Variants in CMTM4 observed in about 807,000 individuals in gnomAD.
CMTM4 encodes the protein CKLF like MARVEL transmembrane domain containing 4.
Under a neutral mutation model 19.0 loss-of-function variants are expected in CMTM4, and 8 were observed. That is an observed-to-expected ratio of 0.42 (90% CI 0.25 to 0.76). CMTM4 has a LOEUF of 0.76. Ranked by LOEUF, CMTM4 falls within the 30% of genes least tolerant of loss-of-function variation. The pLI, the probability that CMTM4 is intolerant of heterozygous loss-of-function variation, is 0.27. For synonymous variants in CMTM4, 106 were observed against 121.1 expected (o/e 0.88, Z 0.82); for missense variants, 228 against 290.2 (o/e 0.79, Z 1.56).
intron 1 of CMTM4, among the ~76,000 whole-genome samples, chr16:66,677,483 G>A (rs1180567058): frequency 6.6e-6 from 1 of 152,234 alleles, no homozygotes; most frequent in Non-Finnish European, 1.5e-5. Context: ...GAGAGAATCT[G>A]AATGGGAAAG....
intron 1 of CMTM4, among the ~76,000 whole-genome samples, chr16:66,695,628 C>T (rs1349279990): frequency 6.6e-6 from 1 of 152,146 alleles, no homozygotes; most frequent in Non-Finnish European, 1.5e-5. Flanking sequence ...CAGACAAGTC[C>T]AACAGAAAGT....
At chr16:66,634,093 A>G (rs186631738) in intron 2 of CMTM4, among the ~76,000 whole-genome samples, 2 of 152,286 alleles carry the variant, frequency 1.3e-5, no homozygotes, top group African/African-American at 4.8e-5. Flanking sequence ...CAACAAGTGG[A>G]AAATCTTTCA....
intron 2 of CMTM4, among the ~76,000 whole-genome samples, chr16:66,628,219 CA>C (rs764401285): frequency 2.6e-5 from 4 of 152,222 alleles, no homozygotes; most frequent in African/African-American, 4.8e-5. Flanking sequence ...ATTCCGTTCC[CA>C]GGGGCAGGCA....
chr16:66,647,108 G>A (rs1487527685), intron 1 of CMTM4, among the ~76,000 whole-genome samples: 3 of 135,370 alleles, frequency 2.2e-5, no homozygotes, highest in Non-Finnish European at 1.5e-5. Flanking sequence ...GAAGTCAGGA[G>A]ATCAAGACTA....
rs2015494380 is a variant in CMTM4 at position 66,614,762 on chromosome 16, CAT to C, written c.*7294_*7295del. The C allele has an allele frequency of 6.6e-6, 1 of 152,206 alleles. No homozygotes were observed. Among genetic ancestry groups the C allele is most frequent in the Non-Finnish European group, 1.5e-5 (1 of 68,038 alleles). The allele number at this position is 152,206 out of a possible 1,614,324, so 9.4% of individuals were successfully genotyped here. A position where few individuals can be genotyped will look rare whatever the true frequency, so the allele number is the denominator to read the frequency against. On this transcript the variant is annotated 3_prime_UTR_variant, in exon 4 of 4. Coordinates refer to ENST00000394106, the MANE Select transcript of CMTM4 (RefSeq NM_181521.3). The surrounding 1 kb of genome is among the most constrained non-coding windows in gnomAD (Gnocchi z 4.9). Reference sequence around the variant, plus strand: ...AGAGACAACGACATCCTTACACGTCCATTTATTAAACAAGTTCCTTCATGACA... The same window carrying C: ...AGAGACAACGACATCCTTACACGTCCTTATTAAACAAGTTCCTTCATGACA...
chr16:66,653,727 TG>T (rs2016351727), intron 1 of CMTM4, among the ~76,000 whole-genome samples: 1 of 152,114 alleles, frequency 6.6e-6, no homozygotes, highest in Admixed American at 6.6e-5. Context: ...GAAACATGGT[TG>T]GTTGGGTTTT....
intron 1 of CMTM4, among the ~76,000 whole-genome samples, chr16:66,695,171 AC>A (rs1369174456): frequency 6.6e-6 from 1 of 151,926 alleles, no homozygotes; most frequent in Non-Finnish European, 1.5e-5. Context: ...ACATGGTGAA[AC>A]CCCATCTCTA....
chr16:66,627,217 T>C (rs893434827), intron 2 of CMTM4, among the ~76,000 whole-genome samples: 1 of 152,256 alleles, frequency 6.6e-6, no homozygotes, highest in Non-Finnish European at 1.5e-5. Context: ...TGGAACACTA[T>C]GCAGTCATTA....
intron 1 of CMTM4, among the ~76,000 whole-genome samples, chr16:66,670,741 A>C (rs2016689874): frequency 6.6e-6 from 1 of 152,098 alleles, no homozygotes; most frequent in South Asian, 2.1e-4. Context: ...TGGAGGTTGC[A>C]GTGAGCCAAG....
intron 1 of CMTM4, among the ~76,000 whole-genome samples, chr16:66,685,660 T>C (rs2017017162): frequency 6.6e-6 from 1 of 152,138 alleles, no homozygotes; most frequent in South Asian, 2.1e-4. Context: ...TGTTTGTTTT[T>C]TGAGGTAGGG....
chr16:66,683,131 A>ATATATATATATATATG (rs1567431945), intron 1 of CMTM4, among the ~76,000 whole-genome samples: 1 of 115,196 alleles, frequency 8.7e-6, no homozygotes, highest in Non-Finnish European at 1.8e-5. Flanking sequence ...GTGTGTGTGT[A>ATATATATATATATATG]TATATATATA....
At chr16:66,667,652 G>C (rs748457990) in intron 1 of CMTM4, among the ~76,000 whole-genome samples, 58 of 152,296 alleles carry the variant, frequency 3.8e-4, no homozygotes, top group Non-Finnish European at 5.7e-4. Flanking sequence ...CACTTTGGGA[G>C]GCCGAGGTGG....
Position 66,619,491 on chromosome 16 carries a change from TG to T in CMTM4, c.*2566del. ...CAAATGCCCCAAACCAAACTGATAT[TG>T]GTCCCTATTGAAACTATTAAACGCA... is the stretch of plus-strand genomic sequence containing the variant. On this transcript the variant is annotated 3_prime_UTR_variant, in exon 4 of 4. Coordinates refer to ENST00000394106, the MANE Select transcript of CMTM4 (RefSeq NM_181521.3). 1 of 985,486 alleles carries T rather than the reference TG, an allele frequency of 1.0e-6. No individual in the cohort carries two copies. Among genetic ancestry groups the T allele is most frequent in the Non-Finnish European group, 1.2e-6 (1 of 829,944 alleles). 61.0% of individuals were successfully genotyped at this position (985,486 alleles called of 1,614,324 possible).
At chr16:66,680,989 C>A (rs932895962) in intron 1 of CMTM4, among the ~76,000 whole-genome samples, 2 of 152,098 alleles carry the variant, frequency 1.3e-5, no homozygotes, top group African/African-American at 4.8e-5. Context: ...CTAGAAATAT[C>A]CAACAGAAAT....
chr16:66,632,035 AC>A (rs2015882326), intron 2 of CMTM4, among the ~76,000 whole-genome samples: 1 of 152,210 alleles, frequency 6.6e-6, no homozygotes, highest in African/African-American at 2.4e-5. Context: ...ACTGTTCTCA[AC>A]CCACCACAGC....
At chr16:66,694,506 G>A (rs1022712338) in intron 1 of CMTM4, among the ~76,000 whole-genome samples, 7 of 151,698 alleles carry the variant, frequency 4.6e-5, no homozygotes, top group Non-Finnish European at 7.4e-5. Flanking sequence ...TAAGGAGTTC[G>A]AGACCAGCCT....
chr16:66,677,303 G>A (rs1475500432), intron 1 of CMTM4, among the ~76,000 whole-genome samples: 1 of 152,258 alleles, frequency 6.6e-6, no homozygotes, highest in Non-Finnish European at 1.5e-5. Flanking sequence ...GAGGAAGACA[G>A]GTGGGGGCAG....
At chr16:66,693,791 C>T (rs899844406) in intron 1 of CMTM4, among the ~76,000 whole-genome samples, 8 of 152,058 alleles carry the variant, frequency 5.3e-5, no homozygotes, top group Admixed American at 5.2e-4. Flanking sequence ...GAGGCCGAGG[C>T]GGGCAGATGA....
At chr16:66,607,855 C>T in the CMTM4 span, among the ~76,000 whole-genome samples, 4 of 149,278 alleles carry the variant, frequency 2.7e-5, no homozygotes, top group Admixed American at 6.7e-5. Context: ...TTTGTAGGGG[C>T]GGGTGCGGAC....
Sources: gnomAD v4.1 joint callset for allele counts (sites outside exome capture counted in the v4.1 genomes callset) on GRCh38, gnomAD v4.1.1 for gene constraint, Gnocchi (gnomAD v3.1) non-coding constraint, MANE v1.5 for transcripts, NCBI Gene and HGNC (gene_info 2026-07-23, HGNC 2026-07-21) for gene names.